The following NCAM1 variants were observed in gnomAD, a reference collection of about 807,000 sequenced individuals.
NCAM1 encodes antigen recognized by monoclonal antibody 5.1H11.
NCAM1 carries 14 observed loss-of-function variants against 109.8 expected under a neutral mutation model. That is an observed-to-expected ratio of 0.13 (90% CI 0.08 to 0.20). The LOEUF (loss-of-function observed/expected upper bound fraction) is 0.20. NCAM1 is among the 10% of genes least tolerant of loss of function. NCAM1 has a pLI of 1.00. For synonymous variants in NCAM1, 418 were observed against 442.9 expected (o/e 0.94, Z 0.70); for missense variants, 774 against 1,109.9 (o/e 0.70, Z 4.30).
intron 1 of NCAM1, among the ~76,000 whole-genome samples, chr11:113,173,063 T>A (rs184039471): frequency 2.4e-3 from 372 of 152,312 alleles, no homozygotes; most frequent in Non-Finnish European, 4.5e-3. Flanking sequence ...TATACTGATG[T>A]TCCCTCAGAA....
At chr11:113,168,984 G>A (rs1426945015) in intron 1 of NCAM1, among the ~76,000 whole-genome samples, 1 of 151,954 alleles carries the variant, frequency 6.6e-6, no homozygotes, top group East Asian at 1.9e-4. Context: ...GGATGTAAAT[G>A]TGCTTGTGTG....
rs545906696 is a variant in NCAM1 at position 113,143,080 on chromosome 11, G to C, written c.53-59299G>C. On this transcript the variant is annotated intron_variant, in intron 1 of 19. Coordinates refer to ENST00000316851, the MANE Select transcript of NCAM1 (RefSeq NM_181351.5). ...TATAATCTCTAAAATAAGGTCATTC[G>C]CCTACATAACTGCAATGCCATTTTC... Among the ~76,000 whole-genome samples, 4 of 152,182 alleles carry C rather than the reference G, an allele frequency of 2.6e-5. No homozygotes were observed. In the South Asian group the frequency reaches 8.3e-4, roughly 32 times the overall value.
chr11:113,207,112 A>C (rs782402966), intron 5 of NCAM1, 149 bp from the exon 6 acceptor site: 6 of 611,362 alleles, frequency 9.8e-6, no homozygotes, highest in African/African-American at 1.8e-5. Context: ...TACATACATG[A>C]ATTTCAATTC....
At chr11:113,138,444 T>G (rs1407176756) in intron 1 of NCAM1, among the ~76,000 whole-genome samples, 6 of 152,218 alleles carry the variant, frequency 3.9e-5, no homozygotes, top group Admixed American at 3.9e-4. Flanking sequence ...AACAGCTCAG[T>G]GCTTTCAAAT....
At chr11:112,987,084 A>C (rs1386066749) in intron 1 of NCAM1, among the ~76,000 whole-genome samples, 2 of 152,166 alleles carry the variant, frequency 1.3e-5, no homozygotes, top group East Asian at 3.9e-4. Context: ...AAGATTTGGT[A>C]AGTTGTGTTT....
chr11:113,038,666 T>C (rs1410623305), intron 1 of NCAM1, among the ~76,000 whole-genome samples: 1 of 152,180 alleles, frequency 6.6e-6, no homozygotes, highest in African/African-American at 2.4e-5. Flanking sequence ...GGGCCCACAT[T>C]TTGGGAGCGT....
At chr11:112,967,941 C>T (rs561283284) in intron 1 of NCAM1, among the ~76,000 whole-genome samples, 7 of 152,230 alleles carry the variant, frequency 4.6e-5, no homozygotes, top group East Asian at 1.9e-4. Context: ...CTTGCTTTTG[C>T]GAAGGTTAGT....
chr11:113,189,270 T>G (rs1555109388), intron 1 of NCAM1, among the ~76,000 whole-genome samples: 3 of 151,630 alleles, frequency 2.0e-5, no homozygotes, highest in Non-Finnish European at 2.9e-5. Flanking sequence ...GCCAATATGG[T>G]GAAACCCCGT....
chr11:113,224,776 A>G (rs553569605), intron 9 of NCAM1, among the ~76,000 whole-genome samples: 1 of 152,338 alleles, frequency 6.6e-6, no homozygotes, highest in East Asian at 1.9e-4. Flanking sequence ...GCTGTTCACC[A>G]ATATTCGCTG....
chr11:113,203,467 C>A (rs1168679907), intron 2 of NCAM1, among the ~76,000 whole-genome samples: 1 of 152,252 alleles, frequency 6.6e-6, no homozygotes, highest in Non-Finnish European at 1.5e-5. Context: ...AAGGGCGCCA[C>A]GCGAAGAGGC....
At chr11:112,994,970 A>G (rs1555071170) in intron 1 of NCAM1, among the ~76,000 whole-genome samples, 2 of 152,030 alleles carry the variant, frequency 1.3e-5, no homozygotes, top group African/African-American at 4.8e-5. Flanking sequence ...TGTCACCCCA[A>G]AGTTTGAGGG....
At chr11:113,081,382 T>C (rs1938809828) in intron 1 of NCAM1, among the ~76,000 whole-genome samples, 1 of 152,060 alleles carries the variant, frequency 6.6e-6, no homozygotes, top group South Asian at 2.1e-4. Flanking sequence ...GAGTTGGGCA[T>C]GAACAATAGA....
intron 1 of NCAM1, among the ~76,000 whole-genome samples, chr11:113,053,617 T>G (rs1313196949): frequency 6.6e-6 from 1 of 152,202 alleles, no homozygotes; most frequent in Non-Finnish European, 1.5e-5. Context: ...GGTATGAGGA[T>G]GGTAAAGAAA....
At chr11:113,017,339 A>T (rs1413246602) in intron 1 of NCAM1, among the ~76,000 whole-genome samples, 2 of 152,212 alleles carry the variant, frequency 1.3e-5, no homozygotes, top group African/African-American at 4.8e-5. Flanking sequence ...CTTTTTTAAA[A>T]GGCAGATACA....
intron 1 of NCAM1, among the ~76,000 whole-genome samples, chr11:113,152,459 C>T (rs1469293231): frequency 6.6e-6 from 1 of 152,236 alleles, no homozygotes; most frequent in Non-Finnish European, 1.5e-5. Flanking sequence ...TAAAAATATC[C>T]ATGTGATGCT....
intron 9 of NCAM1, among the ~76,000 whole-genome samples, chr11:113,224,766 G>T (rs1475084095): frequency 2.0e-5 from 3 of 152,238 alleles, no homozygotes; most frequent in Non-Finnish European, 4.4e-5. Flanking sequence ...AGCAGCATTT[G>T]CTGTTCACCA....
intron 8 of NCAM1, among the ~76,000 whole-genome samples, chr11:113,215,340 G>A: frequency 6.6e-6 from 1 of 152,118 alleles, no homozygotes; most frequent in East Asian, 1.9e-4. Flanking sequence ...ATCTCATCTC[G>A]TATATCCTGT....
At chr11:113,248,544 A>AGTAAGCT (rs1430468465) in intron 15 of NCAM1, among the ~76,000 whole-genome samples, 1 of 151,986 alleles carries the variant, frequency 6.6e-6, no homozygotes, top group Non-Finnish European at 1.5e-5. Context: ...GAAAAGTGAG[A>AGTAAGCT]GTAAGCTGGG....
At chr11:113,091,010 G>A (rs1939319219) in intron 1 of NCAM1, among the ~76,000 whole-genome samples, 1 of 152,166 alleles carries the variant, frequency 6.6e-6, no homozygotes, top group Non-Finnish European at 1.5e-5. Flanking sequence ...AGTGGTAATA[G>A]GGAAAAGAAA....
Sources: gnomAD v4.1 joint callset for allele counts (sites outside exome capture counted in the v4.1 genomes callset) on GRCh38, gnomAD v4.1.1 for gene constraint, MANE v1.5 for transcripts, NCBI Gene and HGNC (gene_info 2026-07-23, HGNC 2026-07-21) for gene names.